SETBP1: variants seen among roughly 807,000 people sequenced by gnomAD.
SETBP1 encodes the protein SET-binding protein.
Under a neutral mutation model 101.0 loss-of-function variants are expected in SETBP1, and 9 were observed. The observed-to-expected ratio is 0.09, with a 90% confidence interval of 0.05 to 0.16. SETBP1 has a LOEUF of 0.16. Among genes scored for constraint, SETBP1 ranks in the 10% least tolerant of loss-of-function variants. The pLI, the probability that SETBP1 is intolerant of heterozygous loss-of-function variation, is 1.00. For missense variants in SETBP1, 1,858 were observed against 2,033.8 expected (o/e 0.91, Z 1.66); for synonymous variants, 818 against 788.5 (o/e 1.04, Z -0.63).
At chr18:44,872,747 C>T (rs1422107816) in intron 3 of SETBP1, among the ~76,000 whole-genome samples, 1 of 152,232 alleles carries the variant, frequency 6.6e-6, no homozygotes, top group Non-Finnish European at 1.5e-5. Flanking sequence ...CGTGCTTGTG[C>T]ACATGCTTAC....
chr18:45,054,049 T>C (rs1030093343), intron 5 of SETBP1, among the ~76,000 whole-genome samples: 1 of 152,224 alleles, frequency 6.6e-6, no homozygotes, highest in Non-Finnish European at 1.5e-5. Context: ...GTCTCATCAG[T>C]GTGTTGGGAC....
chr18:44,746,878 A>G (rs2070264947), intron 2 of SETBP1, among the ~76,000 whole-genome samples: 1 of 152,180 alleles, frequency 6.6e-6, no homozygotes, highest in African/African-American at 2.4e-5. Flanking sequence ...GATTCTGCAT[A>G]TTGTTTCTGA....
At chr18:44,863,470 C>T (rs957356788) in intron 2 of SETBP1, among the ~76,000 whole-genome samples, 1 of 152,216 alleles carries the variant, frequency 6.6e-6, no homozygotes, top group Non-Finnish European at 1.5e-5. Flanking sequence ...CTTGCTGGAA[C>T]AATTTTCCTT....
intron 2 of SETBP1, among the ~76,000 whole-genome samples, chr18:44,725,132 C>A (rs1054845105): frequency 2.6e-5 from 4 of 152,076 alleles, no homozygotes; most frequent in African/African-American, 7.2e-5. Context: ...GTAAAAGGGG[C>A]CAGTTTTCTC....
intron 3 of SETBP1, among the ~76,000 whole-genome samples, chr18:44,923,360 A>G (rs934540560): frequency 1.6e-4 from 25 of 152,232 alleles, no homozygotes; most frequent in Admixed American, 7.9e-4. Context: ...ATTTCCATTT[A>G]ACTAATGAAC....
intron 2 of SETBP1, among the ~76,000 whole-genome samples, chr18:44,771,629 T>C (rs1280976891): frequency 6.6e-6 from 1 of 152,044 alleles, no homozygotes; most frequent in Non-Finnish European, 1.5e-5. Flanking sequence ...GAGGAGGACA[T>C]GTGGATGCCA....
chr18:44,684,676 C>T (rs995049148), intron 1 of SETBP1, among the ~76,000 whole-genome samples: 5 of 150,722 alleles, frequency 3.3e-5, no homozygotes, highest in South Asian at 2.1e-4. Flanking sequence ...GACAGAGTCT[C>T]GCTCTTGTTG....
At chr18:44,945,906 G>A (rs1034315078) in intron 3 of SETBP1, among the ~76,000 whole-genome samples, 1 of 152,234 alleles carries the variant, frequency 6.6e-6, no homozygotes, top group African/African-American at 2.4e-5. Context: ...GCTGTGATGT[G>A]TGCTTCGCCT....
intron 2 of SETBP1, among the ~76,000 whole-genome samples, chr18:44,819,486 G>T (rs1352979890): frequency 6.6e-6 from 1 of 152,188 alleles, no homozygotes; most frequent in Non-Finnish European, 1.5e-5. Flanking sequence ...GGTGCACATG[G>T]AAATGGAAGC....
chr18:44,745,836 G>A (rs574606241), intron 2 of SETBP1, among the ~76,000 whole-genome samples: 1 of 152,336 alleles, frequency 6.6e-6, no homozygotes, highest in Admixed American at 6.5e-5. Flanking sequence ...TCCTGGAGGA[G>A]GTGGTGCAGG....
intron 4 of SETBP1, among the ~76,000 whole-genome samples, chr18:44,995,195 G>C (rs373056030): frequency 7.2e-6 from 1 of 139,618 alleles, no homozygotes; most frequent in Non-Finnish European, 1.5e-5. Context: ...AGGCTGGAGT[G>C]CAGTGGCGCG....
At chr18:44,736,329 T>C (rs1485970973) in intron 2 of SETBP1, among the ~76,000 whole-genome samples, 1 of 152,182 alleles carries the variant, frequency 6.6e-6, no homozygotes, top group African/African-American at 2.4e-5. Flanking sequence ...CAGCAAGTCA[T>C]GATTGCATAC....
intron 1 of SETBP1, among the ~76,000 whole-genome samples, chr18:44,685,290 C>A (rs1413062902): frequency 6.6e-6 from 1 of 152,230 alleles, no homozygotes; most frequent in Non-Finnish European, 1.5e-5. Context: ...TATCTTTTCC[C>A]ACCAAAAATA....
At chr18:44,825,018 T>G (rs540543632) in intron 2 of SETBP1, among the ~76,000 whole-genome samples, 1 of 152,380 alleles carries the variant, frequency 6.6e-6, no homozygotes, top group East Asian at 1.9e-4. Flanking sequence ...CTGCACATTA[T>G]TCACCTAAAC....
intron 3 of SETBP1, among the ~76,000 whole-genome samples, chr18:44,910,436 A>G (rs1232710925): frequency 6.6e-6 from 1 of 152,184 alleles, no homozygotes; most frequent in African/African-American, 2.4e-5. Flanking sequence ...TCTTTGATGG[A>G]GTCAGGAAGA....
chr18:45,020,472 G>A (rs2073037177), intron 4 of SETBP1, among the ~76,000 whole-genome samples: 1 of 151,986 alleles, frequency 6.6e-6, no homozygotes, highest in South Asian at 2.1e-4. Context: ...GAAAAAATGA[G>A]ATCTTTGTTA....
chr18:44,812,761 A>G (rs576828247), intron 2 of SETBP1, among the ~76,000 whole-genome samples: 52 of 152,218 alleles, frequency 3.4e-4, no homozygotes, highest in Non-Finnish European at 7.5e-4. Context: ...GATGAAGCCA[A>G]TATGTAAGCT....
In SETBP1 at chr18:45,063,834, G is replaced by A; in HGVS notation, c.*136G>A. On this transcript the variant is annotated 3_prime_UTR_variant, in exon 6 of 6. Transcript: ENST00000649279. The stretch of plus-strand genomic sequence containing the variant: ...CCAGAAGCCGGGCAGGCAGAATCCG[G>A]CCAGACGACGGGGCTGAGCCATCAG... 1.0e-6 allele frequency: 1 copy of A among 986,068 alleles called. No individual in the cohort carries two copies. The highest frequency in any genetic ancestry group is 1.5e-6 in the Non-Finnish European group (1 of 673,694). The allele number at this position is 986,068 out of a possible 1,614,324, so 61.1% of individuals were successfully genotyped here.
intron 2 of SETBP1, among the ~76,000 whole-genome samples, chr18:44,821,046 C>T (rs1375219015): frequency 1.3e-5 from 2 of 152,124 alleles, no homozygotes; most frequent in East Asian, 1.9e-4. Flanking sequence ...ATATTGCTTC[C>T]CACAAAGATG....
Sources: allele counts gnomAD v4.1 joint callset (sites outside exome capture counted in the v4.1 genomes callset), GRCh38; gene constraint gnomAD v4.1.1; transcripts MANE v1.5; gene names NCBI Gene and HGNC (gene_info 2026-07-23, HGNC 2026-07-21).